The following UMAD1 variants were observed in gnomAD, a reference collection of about 807,000 sequenced individuals.
UMAD1 encodes UBAP1-MVB12-associated (UMA)-domain containing protein 1.
UMAD1 carries 8 observed loss-of-function variants against 6.1 expected under a neutral mutation model. The observed-to-expected ratio is 1.30, with a 90% CI of 0.76 to 2.35. The LOEUF is 2.35. Among genes scored for constraint, UMAD1 ranks in the 30% most tolerant of loss-of-function variants. UMAD1 has a pLI of 0.00. For missense variants in UMAD1, 130 were observed against 78.4 expected, an observed-to-expected ratio of 1.66 and a Z score of -2.49; for synonymous variants, 56 against 31.4, an observed-to-expected ratio of 1.78 and a Z score of -2.61.
intron 2 of UMAD1, among the ~76,000 whole-genome samples, chr7:7,776,027 A>G (rs750934467): frequency 3.3e-5 from 5 of 152,120 alleles, no homozygotes; most frequent in Non-Finnish European, 7.4e-5. Context: ...CAAATTTGAT[A>G]CTTGAAAATG....
chr7:7,839,990 A>G (rs751531282), intron 3 of UMAD1, among the ~76,000 whole-genome samples: 1 of 152,170 alleles, frequency 6.6e-6, no homozygotes, highest in Non-Finnish European at 1.5e-5. Context: ...ACATGGTCGG[A>G]ACAAACAGGC....
At position 7,666,963 on chromosome 7, in the gene UMAD1, A is replaced by G. The variant is rs555871352; in HGVS notation, c.-63-6346A>G. Among the ~76,000 whole-genome samples, 5 of 152,240 alleles carry G rather than the reference A, an allele frequency of 3.3e-5. No homozygotes were observed. The South Asian group carries it at 1.0e-3, about 32-fold the overall frequency. On this transcript the variant is annotated intron_variant, in intron 1 of 3. Coordinates refer to ENST00000682710, the MANE Select transcript of UMAD1 (RefSeq NM_001302348.2). ...GCTGGGATTGCAGGCGTGCGCCACC[A>G]CATCCAGCTAATTTTTATATTATTA...
intron 2 of UMAD1, among the ~76,000 whole-genome samples, chr7:7,734,638 T>G (rs532304092): frequency 6.6e-6 from 1 of 152,190 alleles, no homozygotes; most frequent in African/African-American, 2.4e-5. Flanking sequence ...AGGAATTTTG[T>G]TAAAATAAAG....
In UMAD1 at chr7:7,650,092, G is replaced by A. The variant is rs535790497; in HGVS notation, c.-64+9271G>A. Among the ~76,000 whole-genome samples, 17 of 152,294 alleles carry A rather than the reference G, an allele frequency of 1.1e-4. 1 individual carries two copies. The highest frequency in any genetic ancestry group is 3.9e-4 in the East Asian group (2 of 5,188). ...AAGCATGCATATTAATCTTGAAGTC[G>A]AAAGTTACTTTGGGTCAAGACAGAA... On this transcript the variant is annotated intron_variant, in intron 1 of 3. Coordinates refer to ENST00000682710, the MANE Select transcript of UMAD1 (RefSeq NM_001302348.2).
At chr7:7,812,969 A>G (rs926745673) in intron 3 of UMAD1, among the ~76,000 whole-genome samples, 1 of 152,162 alleles carries the variant, frequency 6.6e-6, no homozygotes, top group African/African-American at 2.4e-5. Flanking sequence ...TTGAAGGATA[A>G]ATTTCATCTG....
intron 1 of UMAD1, among the ~76,000 whole-genome samples, chr7:7,656,585 T>C (rs1014362572): frequency 6.6e-6 from 1 of 152,152 alleles, no homozygotes; most frequent in African/African-American, 2.4e-5. Context: ...TCTGTTCTTG[T>C]GTTTGTTTGC....
intron 3 of UMAD1, among the ~76,000 whole-genome samples, chr7:7,805,158 C>T (rs1201438592): frequency 6.6e-6 from 1 of 152,154 alleles, no homozygotes; most frequent in African/African-American, 2.4e-5. Flanking sequence ...GACCTCTCCC[C>T]TGAGTTCTAG....
chr7:7,728,501 A>C (rs145737968), intron 2 of UMAD1, among the ~76,000 whole-genome samples: 46 of 152,202 alleles, frequency 3.0e-4, no homozygotes, highest in African/African-American at 9.9e-4. Context: ...AAAATCAGCC[A>C]GGCGTGGTGG....
intron 2 of UMAD1, among the ~76,000 whole-genome samples, chr7:7,703,776 C>T (rs1780526053): frequency 6.6e-6 from 1 of 152,064 alleles, no homozygotes. Context: ...CCCGTTTCTA[C>T]AAATAATGCA....
chr7:7,748,977 A>C (rs1781628534), intron 2 of UMAD1, among the ~76,000 whole-genome samples: 1 of 151,640 alleles, frequency 6.6e-6, no homozygotes, highest in Admixed American at 6.6e-5. Context: ...ATTACACATG[A>C]TTTTCTTTTA....
At chr7:7,762,250 C>G (rs1781905649) in intron 2 of UMAD1, among the ~76,000 whole-genome samples, 1 of 152,104 alleles carries the variant, frequency 6.6e-6, no homozygotes, top group Non-Finnish European at 1.5e-5. Context: ...ATTCGGAGAA[C>G]TTTCAAACAA....
intron 2 of UMAD1, among the ~76,000 whole-genome samples, chr7:7,743,386 C>A (rs1421931485): frequency 6.6e-6 from 1 of 151,962 alleles, no homozygotes; most frequent in African/African-American, 2.4e-5. Context: ...CATCATTTGT[C>A]AAAAACAGTA....
intron 3 of UMAD1, among the ~76,000 whole-genome samples, chr7:7,829,716 A>G (rs1217952929): frequency 6.6e-6 from 1 of 152,184 alleles, no homozygotes; most frequent in Non-Finnish European, 1.5e-5. Context: ...TCCTTGATGG[A>G]AAATATTATG....
In UMAD1 at chr7:7,830,881, G is replaced by T. The variant is rs1398700917; in HGVS notation, c.156+29138G>T. ...TTTAAGTATCTGCATAGAAAAATTT[G>T]TTATTAGTTTTTATGAATAAGCCAA... On this transcript the variant is annotated intron_variant, in intron 3 of 3. Coordinates refer to ENST00000682710, the MANE Select transcript of UMAD1 (RefSeq NM_001302348.2). This position sits in a 1 kb window ranked among gnomAD's most constrained non-coding sequence, Gnocchi z 5.3. 6.6e-6 allele frequency among the ~76,000 whole-genome samples: 1 copy of T among 152,006 alleles called. No homozygotes were observed.
At chr7:7,744,448 T>C (rs1781530151) in intron 2 of UMAD1, among the ~76,000 whole-genome samples, 1 of 152,218 alleles carries the variant, frequency 6.6e-6, no homozygotes, top group African/African-American at 2.4e-5. Context: ...GGAGTAGAAT[T>C]GCTAGGTTAT....
At chr7:7,713,206 T>C (rs1780810819) in intron 2 of UMAD1, among the ~76,000 whole-genome samples, 1 of 151,458 alleles carries the variant, frequency 6.6e-6, no homozygotes, top group Non-Finnish European at 1.5e-5. Context: ...TAGCTGGGCA[T>C]GGTGGCGTGC....
intron 2 of UMAD1, among the ~76,000 whole-genome samples, chr7:7,793,128 C>A (rs1782601972): frequency 6.6e-6 from 1 of 152,194 alleles, no homozygotes; most frequent in African/African-American, 2.4e-5. Flanking sequence ...CAGTCGAAAC[C>A]AAGACCTTAC....
Position 7,801,651 on chromosome 7 carries a change from CA to C in UMAD1, c.83-18del, listed in dbSNP as rs1365961157. ...AATATGGTCAAGTTTTAAAAATAGACATATATTTTACTTCATAGGAGATACA... is the reference window on the plus strand; with the variant it reads ...AATATGGTCAAGTTTTAAAAATAGACTATATTTTACTTCATAGGAGATACA... On this transcript the variant is annotated intron_variant, in intron 2 of 3. Transcript: ENST00000682710. 2 of 713,860 alleles carry C rather than the reference CA, an allele frequency of 2.8e-6. No homozygotes were observed. Among genetic ancestry groups the C allele is most frequent in the African/African-American group, 3.5e-5 (2 of 57,110 alleles). 44.2% of individuals were successfully genotyped at this position (713,860 alleles called of 1,614,324 possible).
At position 7,878,255 on chromosome 7, in the gene UMAD1, T is replaced by C; in HGVS notation, c.*717T>C. ...GACCAGCTTTCCAAAGAACTTTCCC[T>C]GCTTCTGCCTCGGTTGCCATTTGCT... On this transcript the variant is annotated 3_prime_UTR_variant, in exon 4 of 4. Coordinates refer to ENST00000682710, the MANE Select transcript of UMAD1 (RefSeq NM_001302348.2). The C allele has an allele frequency of 6.6e-6, 1 of 152,568 alleles. No individual in the cohort carries two copies. The allele number at this position is 152,568 out of a possible 1,614,324, so 9.5% of individuals were successfully genotyped here. A position where few individuals can be genotyped will look rare whatever the true frequency, so the allele number is the denominator to read the frequency against.
Sources: gnomAD v4.1 joint callset for allele counts (sites outside exome capture counted in the v4.1 genomes callset) on GRCh38, gnomAD v4.1.1 for gene constraint, Gnocchi (gnomAD v3.1) non-coding constraint, MANE v1.5 for transcripts, NCBI Gene and HGNC (gene_info 2026-07-23, HGNC 2026-07-21) for gene names.